GPC6: variants seen among roughly 807,000 people sequenced by gnomAD.
The protein encoded by GPC6 is glypican 6.
In GPC6, 14 loss-of-function variants were observed where a neutral mutation model predicts 55.2. That is an observed-to-expected ratio of 0.25 (90% CI 0.17 to 0.40). The LOEUF (loss-of-function observed/expected upper bound fraction) is 0.40. GPC6 is among the 10% of genes least tolerant of loss of function. The pLI, the probability that GPC6 is intolerant of heterozygous loss-of-function variation, is 1.00. For missense variants in GPC6, 641 were observed against 708.5 expected (o/e 0.90, Z 1.08); for synonymous variants, 278 against 259.6 (o/e 1.07, Z -0.68).
At chr13:93,953,362 C>T (rs1329815257) in intron 3 of GPC6, among the ~76,000 whole-genome samples, 1 of 152,152 alleles carries the variant, frequency 6.6e-6, no homozygotes, top group Non-Finnish European at 1.5e-5. Flanking sequence ...CTTTCCCCTT[C>T]AGACTGGGGT....
chr13:94,221,993 C>T (rs1326315413), intron 4 of GPC6, among the ~76,000 whole-genome samples: 2 of 151,838 alleles, frequency 1.3e-5, no homozygotes, highest in East Asian at 3.9e-4. Context: ...CATGTGTTTT[C>T]CTTGTCTAGT....
chr13:93,706,786 G>GA (rs1448536815), intron 2 of GPC6, among the ~76,000 whole-genome samples: 2 of 151,570 alleles, frequency 1.3e-5, no homozygotes, highest in African/African-American at 2.4e-5. Flanking sequence ...GATATTTAAA[G>GA]AAAAAAAACC....
At chr13:94,060,929 C>G (rs1355450495) in intron 4 of GPC6, among the ~76,000 whole-genome samples, 1 of 152,066 alleles carries the variant, frequency 6.6e-6, no homozygotes, top group African/African-American at 2.4e-5. Flanking sequence ...ATTTTTTCAT[C>G]TTGTAAAAGG....
chr13:93,301,940 A>G (rs564965852), intron 1 of GPC6, among the ~76,000 whole-genome samples: 2 of 152,328 alleles, frequency 1.3e-5, no homozygotes, highest in African/African-American at 4.8e-5. Context: ...AGTGTAAGGA[A>G]CAAGATTGTA....
At chr13:93,758,545 GTAGA>G (rs1884854176) in intron 2 of GPC6, among the ~76,000 whole-genome samples, 1 of 151,840 alleles carries the variant, frequency 6.6e-6, no homozygotes, top group Non-Finnish European at 1.5e-5. Context: ...AATAATCTCT[GTAGA>G]TAATTTATAT....
chr13:93,565,017 A>AT (rs984627093), intron 2 of GPC6, among the ~76,000 whole-genome samples: 3 of 152,208 alleles, frequency 2.0e-5, no homozygotes, highest in Non-Finnish European at 2.9e-5. Flanking sequence ...AGAATGTAGC[A>AT]TTTTTGTCAA....
chr13:93,315,563 T>G (rs1402366275), intron 1 of GPC6, among the ~76,000 whole-genome samples: 2 of 152,100 alleles, frequency 1.3e-5, no homozygotes, highest in Non-Finnish European at 2.9e-5. Flanking sequence ...ACTTTACAAG[T>G]AAATCATTCA....
chr13:93,299,192 C>A (rs1447076857), intron 1 of GPC6, among the ~76,000 whole-genome samples: 1 of 152,050 alleles, frequency 6.6e-6, no homozygotes, highest in African/African-American at 2.4e-5. Context: ...CTGCCACTTG[C>A]AAAAATATCT....
chr13:93,616,465 G>T (rs532229708), intron 2 of GPC6, among the ~76,000 whole-genome samples: 5 of 152,032 alleles, frequency 3.3e-5, no homozygotes, highest in African/African-American at 1.2e-4. Flanking sequence ...TTACATTCGG[G>T]GTAAAACACA....
At chr13:93,858,392 A>G (rs925843960) in intron 3 of GPC6, among the ~76,000 whole-genome samples, 8 of 151,594 alleles carry the variant, frequency 5.3e-5, no homozygotes, top group South Asian at 2.1e-4. Context: ...GGTCCCATAC[A>G]TAATTTGGCA....
At chr13:93,474,641 T>C (rs916752564) in intron 1 of GPC6, among the ~76,000 whole-genome samples, 1 of 152,148 alleles carries the variant, frequency 6.6e-6, no homozygotes. Context: ...AAACTCATTA[T>C]TGGATTAATG....
At chr13:93,416,897 C>T (rs1471591852) in intron 1 of GPC6, among the ~76,000 whole-genome samples, 1 of 152,128 alleles carries the variant, frequency 6.6e-6, no homozygotes, top group African/African-American at 2.4e-5. Flanking sequence ...GGCCTAGCAT[C>T]CAAGTCTTCT....
At chr13:94,243,996 T>A (rs1891127478) in intron 4 of GPC6, among the ~76,000 whole-genome samples, 1 of 152,124 alleles carries the variant, frequency 6.6e-6, no homozygotes, top group Non-Finnish European at 1.5e-5. Context: ...CTTATGATTA[T>A]TTTCTAAAAA....
chr13:93,777,123 G>A (rs1885496415), intron 2 of GPC6, among the ~76,000 whole-genome samples: 1 of 152,170 alleles, frequency 6.6e-6, no homozygotes, highest in Non-Finnish European at 1.5e-5. Flanking sequence ...ATGTAATTGA[G>A]TGTGGCTTCC....
chr13:94,288,778 TTA>T (rs1157842721), intron 5 of GPC6, among the ~76,000 whole-genome samples: 2,077 of 73,860 alleles, frequency 0.028, 41 homozygotes, highest in East Asian at 0.075. Context: ...TATATATTTG[TTA>T]TATATATAAT....
At chr13:94,150,814 G>GTATA (rs34636081) in intron 4 of GPC6, among the ~76,000 whole-genome samples, 2,055 of 100,640 alleles carry the variant, frequency 0.02, 257 homozygotes, top group African/African-American at 0.073. Context: ...GAGATCAGCA[G>GTATA]TATATATATA....
At chr13:93,264,304 G>A (rs545798464) in intron 1 of GPC6, among the ~76,000 whole-genome samples, 1 of 152,262 alleles carries the variant, frequency 6.6e-6, no homozygotes, top group South Asian at 2.1e-4. Context: ...ATTGGTCCCA[G>A]GACCCCCTGT....
At chr13:94,055,287 A>G (rs1235514992) in intron 4 of GPC6, among the ~76,000 whole-genome samples, 1 of 152,194 alleles carries the variant, frequency 6.6e-6, no homozygotes, top group Non-Finnish European at 1.5e-5. Context: ...CAATTCTACA[A>G]TTGCAAGAAT....
intron 4 of GPC6, among the ~76,000 whole-genome samples, chr13:94,128,149 A>C (rs894024069): frequency 1.6e-4 from 24 of 152,270 alleles, no homozygotes; most frequent in African/African-American, 5.5e-4. Context: ...GTTTATTTAG[A>C]AGGAAACACT....
Sources: allele counts gnomAD v4.1 joint callset (sites outside exome capture counted in the v4.1 genomes callset), GRCh38; gene constraint gnomAD v4.1.1; transcripts MANE v1.5; gene names NCBI Gene and HGNC (gene_info 2026-07-23, HGNC 2026-07-21).